The following TLN2 variants were observed in gnomAD, a reference collection of about 807,000 sequenced individuals.
TLN2 encodes talin 2.
TLN2 carries 118 observed loss-of-function variants against 294.7 expected under a neutral mutation model. That is an observed-to-expected ratio of 0.40 (90% CI 0.34 to 0.47). The LOEUF is 0.47. Among genes scored for constraint, TLN2 ranks in the 20% least tolerant of loss-of-function variants. The pLI is 0.84. For missense variants in TLN2, 3,083 were observed against 3,282.2 expected, an observed-to-expected ratio of 0.94 and a Z score of 1.48; for synonymous variants, 1,431 against 1,304.5, an observed-to-expected ratio of 1.10 and a Z score of -2.09.
intron 2 of TLN2, among the ~76,000 whole-genome samples, chr15:62,612,181 T>G (rs977890330): frequency 2.8e-4 from 42 of 152,310 alleles, no homozygotes; most frequent in African/African-American, 7.5e-4. Context: ...CAATCGTCCT[T>G]CACTCTACGA....
At chr15:62,639,960 T>C (rs933391912) in intron 3 of TLN2, among the ~76,000 whole-genome samples, 2 of 152,298 alleles carry the variant, frequency 1.3e-5, no homozygotes, top group African/African-American at 4.8e-5. Flanking sequence ...AGGCATGACT[T>C]GACTTACCTT....
At chr15:62,632,821 C>G (rs978762914) in intron 3 of TLN2, among the ~76,000 whole-genome samples, 2 of 152,160 alleles carry the variant, frequency 1.3e-5, no homozygotes, top group Non-Finnish European at 2.9e-5. Context: ...GGAGACTCCA[C>G]AAATCTGCCT....
intron 39 of TLN2, among the ~76,000 whole-genome samples, chr15:62,762,735 A>C (rs557462785): frequency 4.6e-5 from 7 of 152,326 alleles, no homozygotes; most frequent in Non-Finnish European, 8.8e-5. Flanking sequence ...TGATGAAAAA[A>C]TTTAGGCAGA....
intron 1 of TLN2, among the ~76,000 whole-genome samples, chr15:62,417,305 C>T (rs2456931): frequency 1.3e-5 from 2 of 152,320 alleles, no homozygotes; most frequent in East Asian, 3.9e-4. Context: ...GCTCTCCAGT[C>T]AGAATCAGGG....
chr15:62,486,608 T>G (rs2038417122), intron 1 of TLN2, among the ~76,000 whole-genome samples: 1 of 152,128 alleles, frequency 6.6e-6, no homozygotes. Flanking sequence ...CTATAAATTA[T>G]GGTTTGCATC....
At chr15:62,575,404 T>C (rs2044298457) in intron 1 of TLN2, among the ~76,000 whole-genome samples, 1 of 152,174 alleles carries the variant, frequency 6.6e-6, no homozygotes. Flanking sequence ...AAAAATAAAA[T>C]ACAGGCACGT....
Position 62,647,288 on chromosome 15 carries a change from G to A in TLN2, c.-23G>A, listed in dbSNP as rs1366107592. 6.8e-6 allele frequency: 11 copies of A among 1,612,482 alleles called. No homozygotes were observed. The highest frequency in any genetic ancestry group is 9.3e-6 in the Non-Finnish European group (11 of 1,179,116). On this transcript the variant is annotated 5_prime_UTR_variant, in exon 4 of 59. Coordinates refer to ENST00000636159, the MANE Select transcript of TLN2 (RefSeq NM_015059.3). ...TGTGTTTTCCAGACATTCTAAGTGA[G>A]ACTGTCCACATCATCTAGGAAAATG...
chr15:62,711,379 C>T (rs1327020779), intron 21 of TLN2, among the ~76,000 whole-genome samples: 1 of 152,182 alleles, frequency 6.6e-6, no homozygotes, highest in Non-Finnish European at 1.5e-5. Context: ...CAAGGCAAGT[C>T]ATAGCATTTG....
intron 42 of TLN2, among the ~76,000 whole-genome samples, chr15:62,774,738 A>G (rs1379008338): frequency 6.6e-6 from 1 of 152,160 alleles, no homozygotes; most frequent in African/African-American, 2.4e-5. Flanking sequence ...GCCAAGAGCA[A>G]GGATATGCTT....
At chr15:62,739,575 A>C in intron 31 of TLN2, 30 bp downstream of exon 31, 1 of 1,611,682 alleles carries the variant, frequency 6.2e-7, no homozygotes, top group Non-Finnish European at 8.5e-7. Flanking sequence ...TCTGGAGTTG[A>C]CCTTAGCCTC....
In TLN2 at chr15:62,737,072, C is replaced by G. The variant is rs1441325091; in HGVS notation, c.3553C>G (p.Gln1185Glu). Reference sequence around the variant, plus strand: ...TGCACCTGGAGATGCAGAGCGTCAACAAAGACTGGCTCAGGTGAGGCTAGG... The same window carrying G: ...TGCACCTGGAGATGCAGAGCGTCAAGAAAGACTGGCTCAGGTGAGGCTAGG... ...LIAPGDAERQ[Q>E]RLAQVAKAVS... Residue 1185 changes from glutamine to glutamate, a missense_variant, in exon 29 of 59, where the codon CAA becomes GAA. Coordinates refer to ENST00000636159, the MANE Select transcript of TLN2 (RefSeq NM_015059.3). 2 of 1,614,078 alleles carry G rather than the reference C, an allele frequency of 1.2e-6. No individual in the cohort carries two copies. The highest frequency in any genetic ancestry group is 4.5e-5 in the East Asian group (2 of 44,886).
At chr15:62,452,665 G>C (rs1223913670) in intron 1 of TLN2, among the ~76,000 whole-genome samples, 2 of 152,110 alleles carry the variant, frequency 1.3e-5, no homozygotes, top group Non-Finnish European at 2.9e-5. Context: ...GACTACTCTA[G>C]GTACCTCAAT....
At chr15:62,774,042 C>T (rs1386422849) in intron 42 of TLN2, among the ~76,000 whole-genome samples, 1 of 152,152 alleles carries the variant, frequency 6.6e-6, no homozygotes, top group Non-Finnish European at 1.5e-5. Context: ...CCTTCTGCGG[C>T]ATCCTTGATG....
chr15:62,408,179 A>AGGT (rs201337787), intron 1 of TLN2, among the ~76,000 whole-genome samples: 3,426 of 151,670 alleles, frequency 0.023, 133 homozygotes, highest in African/African-American at 0.078. Flanking sequence ...GGCGGGTGGG[A>AGGT]GGTAAACTGA....
At chr15:62,736,170 A>T (rs938560104) in intron 28 of TLN2, among the ~76,000 whole-genome samples, 1 of 152,024 alleles carries the variant, frequency 6.6e-6, no homozygotes, top group African/African-American at 2.4e-5. Context: ...ATACAAAAAA[A>T]TTAGCCGGGC....
intron 2 of TLN2, among the ~76,000 whole-genome samples, chr15:62,597,626 A>G (rs956478990): frequency 6.6e-6 from 1 of 152,210 alleles, no homozygotes; most frequent in African/African-American, 2.4e-5. Context: ...GCCAGTGGCC[A>G]AGGAAAGCTC....
intron 1 of TLN2, among the ~76,000 whole-genome samples, chr15:62,447,946 A>G (rs1595826739): frequency 6.6e-6 from 1 of 152,364 alleles, no homozygotes; most frequent in East Asian, 1.9e-4. Context: ...TCGTGACACC[A>G]GAATAGAACT....
At chr15:62,548,341 G>A (rs975448674) in intron 1 of TLN2, among the ~76,000 whole-genome samples, 1 of 152,180 alleles carries the variant, frequency 6.6e-6, no homozygotes, top group African/African-American at 2.4e-5. Flanking sequence ...TAAGAGAATC[G>A]GGTAAAATGG....
chr15:62,792,618 C>G, intron 45 of TLN2, 23 bp from the exon 46 acceptor site: 5 of 1,608,452 alleles, frequency 3.1e-6, no homozygotes, highest in Non-Finnish European at 4.2e-6. Context: ...TTCTCCTTCC[C>G]CATCCTGGGC....
Sources: allele counts gnomAD v4.1 joint callset (sites outside exome capture counted in the v4.1 genomes callset), GRCh38; gene constraint gnomAD v4.1.1; transcripts MANE v1.5; gene names NCBI Gene and HGNC (gene_info 2026-07-23, HGNC 2026-07-21).